The following DAB1 variants were observed in gnomAD, a reference collection of about 807,000 sequenced individuals.
DAB1 encodes the protein DAB adaptor protein 1, also known as disabled homolog 1.
Under a neutral mutation model 64.6 loss-of-function variants are expected in DAB1, and 15 were observed. The observed-to-expected ratio is 0.23, with a 90% CI of 0.16 to 0.36. The LOEUF is 0.36. DAB1 is among the 10% of genes least tolerant of loss of function. The pLI is 1.00. For synonymous variants in DAB1, 235 were observed against 251.9 expected, an observed-to-expected ratio of 0.93 and a Z score of 0.64; for missense variants, 596 against 706.7, an observed-to-expected ratio of 0.84 and a Z score of 1.78.
intron 7 of DAB1, among the ~76,000 whole-genome samples, chr1:57,634,884 G>T (rs1352396001): frequency 6.6e-6 from 1 of 152,180 alleles, no homozygotes; most frequent in Non-Finnish European, 1.5e-5. Flanking sequence ...GGTGGGGAGG[G>T]TATACTATTT....
chr1:57,895,123 A>G (rs895064390), intron 5 of DAB1, among the ~76,000 whole-genome samples: 2 of 152,116 alleles, frequency 1.3e-5, no homozygotes, highest in Non-Finnish European at 2.9e-5. Context: ...TTTCTTTCTT[A>G]AAAAATAAGT....
intron 7 of DAB1, among the ~76,000 whole-genome samples, chr1:57,551,422 T>C (rs535084404): frequency 2.4e-4 from 37 of 152,286 alleles, no homozygotes; most frequent in African/African-American, 8.7e-4. Flanking sequence ...TGATGATGGA[T>C]GAATAAATGA....
intron 6 of DAB1, among the ~76,000 whole-genome samples, chr1:57,795,996 T>C (rs188943856): frequency 6.6e-6 from 1 of 151,816 alleles, no homozygotes; most frequent in Non-Finnish European, 1.5e-5. Flanking sequence ...GTATCATATA[T>C]ATACATATAT....
intron 7 of DAB1, among the ~76,000 whole-genome samples, chr1:57,533,539 GTATATATATA>G (rs59378470): frequency 7.0e-6 from 1 of 143,770 alleles, no homozygotes; most frequent in Non-Finnish European, 1.5e-5. Flanking sequence ...TTCATAACAG[GTATATATATA>G]TATATATATA....
chr1:58,032,772 A>G (rs1305089695), intron 5 of DAB1, among the ~76,000 whole-genome samples: 5 of 152,170 alleles, frequency 3.3e-5, no homozygotes, highest in African/African-American at 1.2e-4. Context: ...TGTCCACACT[A>G]CCTTCAGGGT....
chr1:58,425,820 T>C (rs11207229), intron 3 of DAB1, among the ~76,000 whole-genome samples: 20,852 of 151,810 alleles, frequency 0.14, 2,433 homozygotes, highest in African/African-American at 0.32. Flanking sequence ...AAGAATCCAT[T>C]AGATTTAATC....
At chr1:58,051,645 G>A (rs1245388082) in intron 5 of DAB1, among the ~76,000 whole-genome samples, 2 of 152,108 alleles carry the variant, frequency 1.3e-5, no homozygotes, top group African/African-American at 2.4e-5. Context: ...AATGGTTGAA[G>A]CAATTTACAC....
intron 5 of DAB1, among the ~76,000 whole-genome samples, chr1:58,134,296 C>G (rs941312939): frequency 1.3e-5 from 2 of 152,046 alleles, no homozygotes; most frequent in Admixed American, 6.6e-5. Flanking sequence ...GCCTTGTATC[C>G]GCACATGCTG....
intron 1 of DAB1, among the ~76,000 whole-genome samples, chr1:57,366,215 C>T (rs1340973662): frequency 3.9e-5 from 6 of 152,288 alleles, no homozygotes; most frequent in East Asian, 1.9e-4. Context: ...TTAAATAGTG[C>T]TATTGTCTTT....
chr1:58,086,460 A>C (rs907996574), intron 5 of DAB1, among the ~76,000 whole-genome samples: 1 of 152,138 alleles, frequency 6.6e-6, no homozygotes, highest in African/African-American at 2.4e-5. Flanking sequence ...CCTGCCTCCT[A>C]TCTGTCACTG....
chr1:57,398,122 C>T (rs1329995528), intron 1 of DAB1, among the ~76,000 whole-genome samples: 2 of 152,208 alleles, frequency 1.3e-5, no homozygotes, highest in Non-Finnish European at 2.9e-5. Flanking sequence ...TTCACTCATA[C>T]ATTTGCTCAT....
At chr1:57,910,928 T>C (rs1434735742) in intron 5 of DAB1, among the ~76,000 whole-genome samples, 1 of 152,222 alleles carries the variant, frequency 6.6e-6, no homozygotes, top group Non-Finnish European at 1.5e-5. Context: ...GGAATGATAC[T>C]GCCTACCTAC....
intron 2 of DAB1, among the ~76,000 whole-genome samples, chr1:57,239,420 G>A (rs372539485): frequency 6.6e-6 from 1 of 152,178 alleles, no homozygotes; most frequent in African/African-American, 2.4e-5. Flanking sequence ...TGCATCTCTT[G>A]TTCACTGCAG....
At chr1:58,231,233 A>G (rs1570516550) in intron 4 of DAB1, among the ~76,000 whole-genome samples, 1 of 152,244 alleles carries the variant, frequency 6.6e-6, no homozygotes, top group East Asian at 1.9e-4. Context: ...GATAAGTGGT[A>G]GAGCTAGAAA....
chr1:58,244,538 C>T (rs1286798375), intron 4 of DAB1, among the ~76,000 whole-genome samples: 1 of 152,172 alleles, frequency 6.6e-6, no homozygotes, highest in Non-Finnish European at 1.5e-5. Flanking sequence ...CAAGTTCAAG[C>T]TCTATTATGT....
At chr1:57,267,234 G>A (rs1474958598) in intron 2 of DAB1, among the ~76,000 whole-genome samples, 1 of 151,976 alleles carries the variant, frequency 6.6e-6, no homozygotes, top group African/African-American at 2.4e-5. Context: ...GCCACCGAGA[G>A]CAGGAAGAGG....
intron 1 of DAB1, among the ~76,000 whole-genome samples, chr1:57,398,853 T>C (rs942719879): frequency 3.9e-5 from 6 of 152,206 alleles, no homozygotes; most frequent in African/African-American, 1.4e-4. Flanking sequence ...CCTCACAGGG[T>C]ACCCAATTAC....
At chr1:58,393,120 C>CTTTTTTT (rs34546253) in intron 3 of DAB1, among the ~76,000 whole-genome samples, 5 of 117,156 alleles carry the variant, frequency 4.3e-5, no homozygotes, top group African/African-American at 3.5e-5. Context: ...ACTTCCAAAT[C>CTTTTTTT]TTTTTTTTTT....
chr1:57,894,787 C>T (rs941164283), intron 5 of DAB1, among the ~76,000 whole-genome samples: 14 of 152,082 alleles, frequency 9.2e-5, no homozygotes, highest in African/African-American at 1.9e-4. Context: ...TTTTGCCATG[C>T]GCTGTGAAAC....
Sources: allele counts gnomAD v4.1 joint callset (sites outside exome capture counted in the v4.1 genomes callset), GRCh38; gene constraint gnomAD v4.1.1; transcripts MANE v1.5; gene names NCBI Gene and HGNC (gene_info 2026-07-23, HGNC 2026-07-21).